Variants in KLF12 observed in about 807,000 individuals in gnomAD.
KLF12 encodes the protein Krueppel-like factor 12.
In KLF12, 9 loss-of-function variants were observed where a neutral mutation model predicts 37.8. The observed-to-expected ratio is 0.24, with a 90% confidence interval of 0.14 to 0.42. The LOEUF (loss-of-function observed/expected upper bound fraction) is 0.42. KLF12 is among the 10% of genes least tolerant of loss of function. The pLI is 1.00. For synonymous variants in KLF12, 208 were observed against 202.1 expected, an observed-to-expected ratio of 1.03 and a Z score of -0.25; for missense variants, 411 against 516.0, an observed-to-expected ratio of 0.80 and a Z score of 1.97.
At chr13:74,127,733 C>A (rs896466102) in intron 1 of KLF12, among the ~76,000 whole-genome samples, 2 of 152,132 alleles carry the variant, frequency 1.3e-5, no homozygotes, top group African/African-American at 4.8e-5. Flanking sequence ...GTACAAATAA[C>A]GTGTAAGATC....
chr13:73,780,996 C>T (rs1005280834), intron 5 of KLF12, among the ~76,000 whole-genome samples: 7 of 152,174 alleles, frequency 4.6e-5, no homozygotes, highest in Non-Finnish European at 8.8e-5. Flanking sequence ...AGGCAGTCTC[C>T]ATGGACGCAG....
chr13:74,151,461 G>T, the KLF12 span, among the ~76,000 whole-genome samples: 1 of 152,014 alleles, frequency 6.6e-6, no homozygotes, highest in African/African-American at 2.4e-5. Context: ...GACCAGCCTG[G>T]GCAACAATGC....
At chr13:74,047,575 C>T (rs1043934111) in intron 1 of KLF12, among the ~76,000 whole-genome samples, 16 of 145,098 alleles carry the variant, frequency 1.1e-4, no homozygotes, top group Admixed American at 4.9e-4. Context: ...CCAGCCTGGG[C>T]GACATAATGA....
chr13:73,742,577 CT>C (rs1439124331), intron 6 of KLF12, among the ~76,000 whole-genome samples: 7 of 152,252 alleles, frequency 4.6e-5, no homozygotes, highest in African/African-American at 1.7e-4. Flanking sequence ...TTACATTCCC[CT>C]TCCGCCCTGG....
chr13:73,705,659 A>G (rs1345558648), intron 7 of KLF12, among the ~76,000 whole-genome samples: 2 of 151,486 alleles, frequency 1.3e-5, no homozygotes, highest in Non-Finnish European at 2.9e-5. Context: ...TAAAACCACA[A>G]ATTTTATATT....
intron 5 of KLF12, among the ~76,000 whole-genome samples, chr13:73,770,027 G>A (rs9543454): frequency 0.48 from 73,088 of 151,842 alleles, 18,532 homozygotes; most frequent in Middle Eastern, 0.6. Flanking sequence ...TTTTAATTAG[G>A]TTAATGATTA....
chr13:74,000,491 C>A (rs933202434), intron 1 of KLF12, among the ~76,000 whole-genome samples: 1 of 152,166 alleles, frequency 6.6e-6, no homozygotes, highest in African/African-American at 2.4e-5. Flanking sequence ...ACTTAAAATA[C>A]TTCATTTATA....
the KLF12 span, among the ~76,000 whole-genome samples, chr13:74,210,251 A>T: frequency 6.6e-6 from 1 of 152,186 alleles, no homozygotes; most frequent in Non-Finnish European, 1.5e-5. Flanking sequence ...AAACATGGTG[A>T]CTTGGTAACT....
chr13:74,204,211 G>T, the KLF12 span, among the ~76,000 whole-genome samples: 3 of 152,160 alleles, frequency 2.0e-5, no homozygotes, highest in African/African-American at 7.2e-5. Flanking sequence ...TGAGGATGTT[G>T]CTTAGCATTG....
chr13:74,222,666 C>T, the KLF12 span, among the ~76,000 whole-genome samples: 193 of 152,204 alleles, frequency 1.3e-3, 1 homozygote, highest in African/African-American at 4.4e-3. Context: ...AAGTGCATTA[C>T]GTTTTCAGAT....
intron 1 of KLF12, among the ~76,000 whole-genome samples, chr13:74,027,366 C>T (rs1027070696): frequency 1.3e-5 from 2 of 152,140 alleles, no homozygotes; most frequent in Non-Finnish European, 2.9e-5. Flanking sequence ...AAGAAATCCC[C>T]CCACTTCGCG....
At chr13:73,736,605 C>T (rs1877481304) in intron 6 of KLF12, among the ~76,000 whole-genome samples, 1 of 152,174 alleles carries the variant, frequency 6.6e-6, no homozygotes, top group Non-Finnish European at 1.5e-5. Context: ...AATGTATCAC[C>T]AAGCATTTGC....
chr13:73,841,563 G>A (rs1242839574), intron 4 of KLF12, among the ~76,000 whole-genome samples: 1 of 152,120 alleles, frequency 6.6e-6, no homozygotes, highest in Admixed American at 6.5e-5. Flanking sequence ...AAGCTAATGA[G>A]TGTCTCCCAG....
intron 3 of KLF12, among the ~76,000 whole-genome samples, chr13:73,849,662 G>T (rs527504633): frequency 2.0e-5 from 3 of 152,104 alleles, no homozygotes; most frequent in African/African-American, 4.8e-5. Flanking sequence ...AAGAAAGGTC[G>T]TAAGTTTTAA....
chr13:74,239,133 A>G, the KLF12 span, among the ~76,000 whole-genome samples: 1 of 143,862 alleles, frequency 7.0e-6, no homozygotes, highest in South Asian at 2.4e-4. Flanking sequence ...AGATTCTGGT[A>G]TGTTGTGTCT....
At chr13:73,813,620 C>T (rs1883058763) in intron 4 of KLF12, among the ~76,000 whole-genome samples, 1 of 152,162 alleles carries the variant, frequency 6.6e-6, no homozygotes, top group Non-Finnish European at 1.5e-5. Flanking sequence ...CTGGTTTCTC[C>T]TCCTCCTTGC....
At chr13:73,850,162 TA>T (rs1448609161) in intron 3 of KLF12, among the ~76,000 whole-genome samples, 17 of 152,146 alleles carry the variant, frequency 1.1e-4, no homozygotes, top group Admixed American at 4.6e-4. Flanking sequence ...AAGATAAACA[TA>T]AGGATTATGC....
chr13:73,701,971 T>C (rs1874591200), intron 7 of KLF12, among the ~76,000 whole-genome samples: 1 of 152,192 alleles, frequency 6.6e-6, no homozygotes, highest in African/African-American at 2.4e-5. Context: ...GCATCTGTTT[T>C]TTAAAGTGAA....
chr13:74,295,604 T>C, the KLF12 span, among the ~76,000 whole-genome samples: 1 of 152,212 alleles, frequency 6.6e-6, no homozygotes, highest in Admixed American at 6.5e-5. Context: ...GACCCCTCAG[T>C]GGAACGGACT....
Sources: allele counts gnomAD v4.1 joint callset (sites outside exome capture counted in the v4.1 genomes callset), GRCh38; gene constraint gnomAD v4.1.1; transcripts MANE v1.5; gene names NCBI Gene and HGNC (gene_info 2026-07-23, HGNC 2026-07-21).